OR2AG2: variants seen among roughly 807,000 people sequenced by gnomAD.
The protein encoded by OR2AG2 is olfactory receptor 2AG2.
For synonymous variants in OR2AG2, 167 were observed against 157.1 expected (o/e 1.06, Z -0.47); for missense variants, 390 against 391.9 (o/e 1.00, Z 0.04).
chr11:6,771,032 C>A (rs78211515), intron 1 of OR2AG2, among the ~76,000 whole-genome samples: 8 of 152,044 alleles, frequency 5.3e-5, no homozygotes, highest in South Asian at 2.1e-4. Context: ...CTGGTGGTTG[C>A]GGGTATTTCA....
In OR2AG2 at chr11:6,766,350, A is replaced by G. The variant is rs371831620; in HGVS notation, c.*1657T>C. 2.6e-5 allele frequency: 4 copies of G among 152,328 alleles called. No individual in the cohort carries two copies. The East Asian group carries it at 7.7e-4, about 29-fold the overall frequency. 9.4% of individuals were successfully genotyped at this position (152,328 alleles called of 1,614,324 possible). A position where few individuals can be genotyped will look rare whatever the true frequency, so the allele number is the denominator to read the frequency against. On this transcript the variant is annotated 3_prime_UTR_variant, in exon 2 of 2. Coordinates refer to ENST00000641124, the MANE Select transcript of OR2AG2 (RefSeq NM_001004490.2). ...ATTCACCAAATTTCAAATGGAAAAAACACAGGACCTTCATCATCATGGACA... is the reference window on the plus strand; with the variant it reads ...ATTCACCAAATTTCAAATGGAAAAAGCACAGGACCTTCATCATCATGGACA...
Position 6,766,582 on chromosome 11 carries a change from G to C in OR2AG2, c.*1425C>G, listed in dbSNP as rs1847377326. 6.6e-6 allele frequency: 1 copy of C among 151,744 alleles called. No individual in the cohort carries two copies. The highest frequency in any genetic ancestry group is 2.1e-4 in the South Asian group (1 of 4,814). 9.4% of individuals were successfully genotyped at this position (151,744 alleles called of 1,614,324 possible). ...TTCTATAAAGAAAACAAGAATTATT[G>C]TGTTTTGACAAAGCACTATTCTCAA... On this transcript the variant is annotated 3_prime_UTR_variant, in exon 2 of 2. Transcript: ENST00000641124.
chr11:6,768,838 G>A lies in OR2AG2; in HGVS notation c.120C>T (p.Thr40=). ...TFTILYMLAL[T]SNGLLLLAIT... is the part of the protein sequence containing the mutation. ...TGGCCAGGAGCAGCAGACCATTGCT[G>A]GTCAGTGCCAACATGTATAGGATTG... The change falls in exon 2 of 2, where the codon ACC becomes ACT. Residue 40 remains threonine (T), a synonymous_variant. Transcript: ENST00000641124. 6.2e-7 allele frequency: 1 copy of A among 1,614,078 alleles called. No homozygotes were observed. Among genetic ancestry groups the A allele is most frequent in the African/African-American group, 1.3e-5 (1 of 75,024 alleles).
Position 6,768,542 on chromosome 11 carries a change from C to G in OR2AG2, c.416G>C (p.Arg139Thr), listed in dbSNP as rs370077338. 3.7e-6 allele frequency: 6 copies of G among 1,613,940 alleles called. No homozygotes were observed. The highest frequency in any genetic ancestry group is 5.1e-6 in the Non-Finnish European group (6 of 1,180,026). ...TGTGGCCACCATGATCCAGCAGACT[C>G]TTGGGCTCATGAGGGTCATGTATTT... ...PLKYMTLMSPRVCWIMVATSW... is the reference protein window; with the variant it reads ...PLKYMTLMSPTVCWIMVATSW... Residue 139 changes from arginine to threonine, a missense_variant, in exon 2 of 2, where the codon AGA becomes ACA. Arg to Thr is a moderately conservative substitution (Grantham distance 71, BLOSUM62 -1). Transcript: ENST00000641124.
At position 6,768,358 on chromosome 11, in the gene OR2AG2, GTATAT is replaced by G. The variant is rs765554697; in HGVS notation, c.595_599del (p.Ile199ArgfsTer32). ...GCAAGAGGAAAGTCACACCTGTCAC[GTATAT>G]TATAAGCTCATACCTGGAGGTATCA... On this transcript the variant is annotated frameshift_variant, in exon 2 of 2. Transcript: ENST00000641124. LOFTEE classifies it low-confidence loss of function (END_TRUNC). 9 of 1,613,924 alleles carry G rather than the reference GTATAT, an allele frequency of 5.6e-6. No homozygotes were observed. Among genetic ancestry groups the G allele is most frequent in the Non-Finnish European group, 7.6e-6 (9 of 1,179,986 alleles).
In OR2AG2 at chr11:6,768,601, G is replaced by C; in HGVS notation, c.357C>G (p.Ala119=). 1 of 1,614,160 alleles carries C rather than the reference G, an allele frequency of 6.2e-7. No individual in the cohort carries two copies. The highest frequency in any genetic ancestry group is 8.5e-7 in the Non-Finnish European group (1 of 1,180,036). Residue 119 remains alanine (A), a synonymous_variant, in exon 2 of 2, where the codon GCC becomes GCG. Transcript: ENST00000641124. ...SAEDLLLAFM[A]YDRYVAICHP... ...GACAAATGGCCACATACCTGTCATA[G>C]GCCATGAAGGCCAGTAGGAGGTCCT...
chr11:6,771,112 T>C (rs1847442764), intron 1 of OR2AG2, among the ~76,000 whole-genome samples: 1 of 152,268 alleles, frequency 6.6e-6, no homozygotes, highest in Non-Finnish European at 1.5e-5. Flanking sequence ...GGTCAGTCAA[T>C]TAACAAGGTA....
intron 1 of OR2AG2, among the ~76,000 whole-genome samples, chr11:6,771,181 AT>A: frequency 6.6e-6 from 1 of 152,264 alleles, no homozygotes; most frequent in Non-Finnish European, 1.5e-5. Flanking sequence ...TGCTCAGTAT[AT>A]TTATTTTTTG....
In OR2AG2 at chr11:6,768,020, T is replaced by A; in HGVS notation, c.938A>T (p.His313Leu). ...RVLGKYILLA[H>L]STL ...CATGATCCTTCCCTAGAGCGTGGAA[T>A]GTGCCAGCAGTATGTATTTTCCCAG... Residue 313 changes from histidine (H) to leucine (L), a missense_variant, in exon 2 of 2, where the codon CAT (histidine) becomes CTT (leucine). Transcript: ENST00000641124. 3.1e-6 allele frequency: 5 copies of A among 1,612,164 alleles called. No individual in the cohort carries two copies. Among genetic ancestry groups the A allele is most frequent in the Non-Finnish European group, 4.2e-6 (5 of 1,178,774 alleles).
At position 6,768,878 on chromosome 11, in the gene OR2AG2, A is replaced by C; in HGVS notation, c.80T>G (p.Leu27Arg). Residue 27 changes from leucine to arginine, a missense_variant, in exon 2 of 2, where the codon CTC (leucine) becomes CGC (arginine). Coordinates refer to ENST00000641124, the MANE Select transcript of OR2AG2 (RefSeq NM_001004490.2). ...GTATAGGATTGTAAATGTAGCATAG[A>C]GCAGTTCAGGAGACCCACTGTCATT... Reference protein sequence around the residue: ...ILNDSGSPELLYATFTILYML... With the variant: ...ILNDSGSPELRYATFTILYML... 6.2e-7 allele frequency: 1 copy of C among 1,614,094 alleles called. No individual in the cohort carries two copies. Among genetic ancestry groups the C allele is most frequent in the Non-Finnish European group, 8.5e-7 (1 of 1,179,986 alleles).
chr11:6,768,929 C>T lies in OR2AG2; in HGVS notation c.29G>A (p.Ser10Asn). 1 of 1,611,504 alleles carries T rather than the reference C, an allele frequency of 6.2e-7. No individual in the cohort carries two copies. The highest frequency in any genetic ancestry group is 8.5e-7 in the Non-Finnish European group (1 of 1,177,814). MELRNSTLG[S>N]GFILVGILND... ...CAGAATCCCCACCAAGATGAAGCCGCTTCCCAAGGTGGAGTTCCGGAGCTC... is the reference window on the plus strand; with the variant it reads ...CAGAATCCCCACCAAGATGAAGCCGTTTCCCAAGGTGGAGTTCCGGAGCTC... Residue 10 changes from serine to asparagine, a missense_variant, in exon 2 of 2, where the codon AGC becomes AAC. Coordinates refer to ENST00000641124, the MANE Select transcript of OR2AG2 (RefSeq NM_001004490.2).
At position 6,766,081 on chromosome 11, in the gene OR2AG2, A is replaced by G. The variant is rs1249479659; in HGVS notation, c.*1926T>C. 1 of 152,188 alleles carries G rather than the reference A, an allele frequency of 6.6e-6. No homozygotes were observed. Among genetic ancestry groups the G allele is most frequent in the Non-Finnish European group, 1.5e-5 (1 of 68,002 alleles). 9.4% of individuals were successfully genotyped at this position (152,188 alleles called of 1,614,324 possible). A position where few individuals can be genotyped will look rare whatever the true frequency, so the allele number is the denominator to read the frequency against. Reference sequence around the variant, plus strand: ...ATATAGCAGCCAAAATGTTTTAAGCACAGTTTACTAAGCTGTGGTCTCAGT... The same window carrying G: ...ATATAGCAGCCAAAATGTTTTAAGCGCAGTTTACTAAGCTGTGGTCTCAGT... On this transcript the variant is annotated 3_prime_UTR_variant, in exon 2 of 2. Coordinates refer to ENST00000641124, the MANE Select transcript of OR2AG2 (RefSeq NM_001004490.2).
chr11:6,768,233 G>A lies in OR2AG2; in HGVS notation c.725C>T (p.Ser242Phe), dbSNP rs377470854. Residue 242 changes from serine to phenylalanine, a missense_variant, in exon 2 of 2, where the codon TCT (serine) becomes TTT (phenylalanine). Transcript: ENST00000641124. ...CATCCCGACCACAATCAGGTGGGAA[G>A]AGCAGGTGACAAGGGCTTTCTTCCT... ...EGRKKALVTCSSHLIVVGMFY... is the reference protein window; with the variant it reads ...EGRKKALVTCFSHLIVVGMFY... 1.1e-5 allele frequency: 18 copies of A among 1,614,090 alleles called. No homozygotes were observed. The African/African-American group carries it at 2.3e-4, about 20-fold the overall frequency.
Position 6,768,538 on chromosome 11 carries a change from G to C in OR2AG2, c.420C>G (p.Val140=). 1 of 1,614,130 alleles carries C rather than the reference G, an allele frequency of 6.2e-7. No individual in the cohort carries two copies. The highest frequency in any genetic ancestry group is 1.1e-5 in the South Asian group (1 of 91,086). Residue 140 remains valine (V), a synonymous_variant, in exon 2 of 2, where the codon GTC becomes GTG. Transcript: ENST00000641124. The stretch of plus-strand genomic sequence containing the variant: ...AGGATGTGGCCACCATGATCCAGCA[G>C]ACTCTTGGGCTCATGAGGGTCATGT... ...LKYMTLMSPR[V]CWIMVATSWI... is the part of the protein sequence containing the mutation.
Position 6,767,956 on chromosome 11 carries a change from A to G in OR2AG2, c.*51T>C. ...TTATTTGGAGCAGGAATGAGTGAGT[A>G]GAGAATTTTATCTGGAGGAGGAATG... On this transcript the variant is annotated 3_prime_UTR_variant, in exon 2 of 2. Coordinates refer to ENST00000641124, the MANE Select transcript of OR2AG2 (RefSeq NM_001004490.2). 2.1e-6 allele frequency: 3 copies of G among 1,456,706 alleles called. No homozygotes were observed. The highest frequency in any genetic ancestry group is 2.8e-5 in the African/African-American group (2 of 70,732). 90.2% of individuals were successfully genotyped at this position (1,456,706 alleles called of 1,614,324 possible).
Position 6,767,715 on chromosome 11 carries a change from CTACCACAGAGTG to C in OR2AG2, c.*280_*291del, listed in dbSNP as rs1847390689. 3.4e-5 allele frequency: 13 copies of C among 380,848 alleles called. No homozygotes were observed. In the South Asian group the frequency reaches 5.7e-4, roughly 17 times the overall value. The allele number at this position is 380,848 out of a possible 1,614,324, so 23.6% of individuals were successfully genotyped here. ...ACTTGGTAATGTGTCAGGACGATGCCTACCACAGAGTGAGTCTACAACACCCATTCAAGGCTT... is the reference window on the plus strand; with the variant it reads ...ACTTGGTAATGTGTCAGGACGATGCCAGTCTACAACACCCATTCAAGGCTT... On this transcript the variant is annotated 3_prime_UTR_variant, in exon 2 of 2. Coordinates refer to ENST00000641124, the MANE Select transcript of OR2AG2 (RefSeq NM_001004490.2).
In OR2AG2 at chr11:6,768,557, G is replaced by T. The variant is rs773567873; in HGVS notation, c.401C>A (p.Thr134Asn). Residue 134 changes from threonine to asparagine, a missense_variant, in exon 2 of 2, where the codon ACC becomes AAC. Coordinates refer to ENST00000641124, the MANE Select transcript of OR2AG2 (RefSeq NM_001004490.2). ...VAICHPLKYMTLMSPRVCWIM... is the reference protein window; with the variant it reads ...VAICHPLKYMNLMSPRVCWIM... ...CCAGCAGACTCTTGGGCTCATGAGG[G>T]TCATGTATTTCAGAGGATGACAAAT... 1 of 1,614,126 alleles carries T rather than the reference G, an allele frequency of 6.2e-7. No individual in the cohort carries two copies. Among genetic ancestry groups the T allele is most frequent in the Non-Finnish European group, 8.5e-7 (1 of 1,180,020 alleles).
rs373342260 is a variant in OR2AG2 at position 6,768,111 on chromosome 11, G to C, written c.847C>G (p.Pro283Ala). ...IISVFYTIVTPALNPLIYSLR... is the reference protein window; with the variant it reads ...IISVFYTIVTAALNPLIYSLR... ...CTGTAGATGAGTGGATTCAGGGCTGGAGTGACAATTGTGTAGAAAACAGAG... is the reference window on the plus strand; with the variant it reads ...CTGTAGATGAGTGGATTCAGGGCTGCAGTGACAATTGTGTAGAAAACAGAG... Residue 283 changes from proline (P) to alanine (A), a missense_variant, in exon 2 of 2, where the codon CCA (proline) becomes GCA (alanine). Coordinates refer to ENST00000641124, the MANE Select transcript of OR2AG2 (RefSeq NM_001004490.2). 7 of 1,613,998 alleles carry C rather than the reference G, an allele frequency of 4.3e-6. No homozygotes were observed. Among genetic ancestry groups the C allele is most frequent in the Non-Finnish European group, 2.5e-6 (3 of 1,180,030 alleles).
chr11:6,767,314 G>A lies in OR2AG2; in HGVS notation c.*693C>T, dbSNP rs1346039822. 6.6e-6 allele frequency: 1 copy of A among 152,136 alleles called. No homozygotes were observed. The highest frequency in any genetic ancestry group is 1.5e-5 in the Non-Finnish European group (1 of 68,090). The allele number at this position is 152,136 out of a possible 1,614,324, so 9.4% of individuals were successfully genotyped here. ...TGGTCTTGAACTCCTTACCTCAGGT[G>A]ATCTGCCCACCTCAGCCTCCCAAAG... On this transcript the variant is annotated 3_prime_UTR_variant, in exon 2 of 2. Coordinates refer to ENST00000641124, the MANE Select transcript of OR2AG2 (RefSeq NM_001004490.2).
Sources: gnomAD v4.1 joint callset for allele counts (sites outside exome capture counted in the v4.1 genomes callset) on GRCh38, gnomAD v4.1.1 for gene constraint, MANE v1.5 for transcripts, NCBI Gene and HGNC (gene_info 2026-07-23, HGNC 2026-07-21) for gene names.